Variants in ADAMTS17 observed in about 807,000 individuals in gnomAD.
The protein encoded by ADAMTS17 is A disintegrin and metalloproteinase with thrombospondin motifs 17.
ADAMTS17 carries 113 observed loss-of-function variants against 141.5 expected under a neutral mutation model. The ratio of observed to expected loss-of-function variants is 0.80; its 90% CI spans 0.69 to 0.93. The LOEUF is 0.93. Among genes scored for constraint, ADAMTS17 ranks in the 40% least tolerant of loss-of-function variants. The pLI, the probability that ADAMTS17 is intolerant of heterozygous loss-of-function variation, is 0.00. For missense variants in ADAMTS17, 1,659 were observed against 1,517.9 expected, an observed-to-expected ratio of 1.09 and a Z score of -1.54; for synonymous variants, 768 against 630.6, an observed-to-expected ratio of 1.22 and a Z score of -3.27.
chr15:100,284,050 A>C (rs933828654), intron 3 of ADAMTS17, among the ~76,000 whole-genome samples: 8 of 152,212 alleles, frequency 5.3e-5, no homozygotes, highest in Non-Finnish European at 1.0e-4. Flanking sequence ...GGTTGCAGTG[A>C]GCCAAGATCA....
chr15:100,267,670 C>T (rs1029234579), intron 4 of ADAMTS17, among the ~76,000 whole-genome samples: 2 of 149,078 alleles, frequency 1.3e-5, no homozygotes, highest in Admixed American at 6.6e-5. Context: ...TCAGCCCTTG[C>T]CCCCCTCCCT....
Position 100,051,678 on chromosome 15 carries a change from AG to A in ADAMTS17, c.2348del (p.Pro783LeufsTer2). 1 of 1,614,248 alleles carries A rather than the reference AG, an allele frequency of 6.2e-7. No homozygotes were observed. The highest frequency in any genetic ancestry group is 8.5e-7 in the Non-Finnish European group (1 of 1,180,052). On this transcript the variant is annotated frameshift_variant, in exon 17 of 22. Transcript: ENST00000268070. LOFTEE classifies it high-confidence loss of function. ...DYGIHYEYTV[P>X]VNRTAENQSE... ...TTTGATTTTCCGCAGTGCGGTTTAC[AG>A]GAACAGTGTATTCATAATGAATTCC...
intron 7 of ADAMTS17, among the ~76,000 whole-genome samples, chr15:100,215,908 G>T (rs1336040697): frequency 6.6e-6 from 1 of 151,978 alleles, no homozygotes; most frequent in Non-Finnish European, 1.5e-5. Context: ...GGAGAACCAA[G>T]ACTGTGCTTA....
chr15:100,311,546 A>C (rs758054974), intron 3 of ADAMTS17, among the ~76,000 whole-genome samples: 1 of 152,134 alleles, frequency 6.6e-6, no homozygotes, highest in Non-Finnish European at 1.5e-5. Context: ...TTGAGTTACT[A>C]AAGTGGGGCG....
intron 15 of ADAMTS17, among the ~76,000 whole-genome samples, chr15:100,065,936 T>C (rs1379331371): frequency 6.6e-6 from 1 of 152,234 alleles, no homozygotes; most frequent in African/African-American, 2.4e-5. Flanking sequence ...CCATGAATTC[T>C]CATTGTTCAA....
At chr15:100,191,914 C>G (rs11247165) in intron 8 of ADAMTS17, among the ~76,000 whole-genome samples, 1 of 152,046 alleles carries the variant, frequency 6.6e-6, no homozygotes, top group South Asian at 2.1e-4. Flanking sequence ...TGTGGCTTGT[C>G]AAGGTGAAGA....
At chr15:100,204,524 C>G (rs996778341) in intron 7 of ADAMTS17, among the ~76,000 whole-genome samples, 9 of 152,202 alleles carry the variant, frequency 5.9e-5, no homozygotes, top group African/African-American at 2.2e-4. Context: ...AATGGCTGAA[C>G]AGCATTTAGG....
intron 4 of ADAMTS17, among the ~76,000 whole-genome samples, chr15:100,278,037 G>C (rs774452463): frequency 3.9e-5 from 6 of 152,170 alleles, no homozygotes; most frequent in Admixed American, 6.5e-5. Flanking sequence ...TAAGCCATTT[G>C]TCCACAAAAG....
intron 10 of ADAMTS17, among the ~76,000 whole-genome samples, chr15:100,134,223 G>A (rs1263722586): frequency 6.6e-6 from 1 of 152,210 alleles, no homozygotes; most frequent in Non-Finnish European, 1.5e-5. Context: ...GGGTCCTGGG[G>A]GGGATGGCCC....
intron 15 of ADAMTS17, among the ~76,000 whole-genome samples, chr15:100,080,423 A>C (rs558341659): frequency 0.012 from 1,765 of 152,348 alleles, 40 homozygotes; most frequent in African/African-American, 0.041. Flanking sequence ...CAGGAGATCC[A>C]TTAGGGCGTC....
At chr15:100,121,727 T>C (rs1013573099) in intron 12 of ADAMTS17, among the ~76,000 whole-genome samples, 5 of 151,872 alleles carry the variant, frequency 3.3e-5, no homozygotes, top group African/African-American at 1.2e-4. Context: ...GAAAGGATAC[T>C]AGATGTAACC....
intron 8 of ADAMTS17, among the ~76,000 whole-genome samples, chr15:100,182,058 C>A (rs370005596): frequency 3.9e-5 from 6 of 152,290 alleles, no homozygotes; most frequent in Admixed American, 3.3e-4. Flanking sequence ...GAGCTCAGCC[C>A]GGTTTTGCTT....
chr15:100,108,072 C>A (rs2036517149), intron 14 of ADAMTS17, among the ~76,000 whole-genome samples: 1 of 152,162 alleles, frequency 6.6e-6, no homozygotes, highest in African/African-American at 2.4e-5. Flanking sequence ...CTACCCCAGG[C>A]TAGGAGCCCC....
chr15:100,303,637 T>C (rs780439348), intron 3 of ADAMTS17, among the ~76,000 whole-genome samples: 26 of 152,226 alleles, frequency 1.7e-4, no homozygotes, highest in Non-Finnish European at 3.4e-4. Context: ...CTTAATTCTA[T>C]TCCATATGTG....
intron 7 of ADAMTS17, among the ~76,000 whole-genome samples, chr15:100,228,581 G>A (rs1475067620): frequency 6.6e-6 from 1 of 152,228 alleles, no homozygotes; most frequent in Non-Finnish European, 1.5e-5. Flanking sequence ...GGCAGGATGA[G>A]GACACAGACC....
intron 3 of ADAMTS17, among the ~76,000 whole-genome samples, chr15:100,308,687 G>A (rs767373287): frequency 9.2e-5 from 14 of 152,082 alleles, no homozygotes; most frequent in Non-Finnish European, 1.5e-4. Context: ...ACAGAATCCC[G>A]GGCTTAGCCA....
At chr15:100,014,537 C>G (rs1330389567) in intron 18 of ADAMTS17, among the ~76,000 whole-genome samples, 1 of 152,118 alleles carries the variant, frequency 6.6e-6, no homozygotes, top group East Asian at 1.9e-4. Context: ...TTGCTGTATT[C>G]CAGAGATTTT....
chr15:99,994,883 A>G (rs1346672959), intron 19 of ADAMTS17, among the ~76,000 whole-genome samples: 11 of 152,358 alleles, frequency 7.2e-5, no homozygotes, highest in South Asian at 2.1e-4. Flanking sequence ...TACGAATTCA[A>G]TTCAGCTCTT....
At chr15:100,283,162 A>G (rs2044339020) in intron 3 of ADAMTS17, among the ~76,000 whole-genome samples, 1 of 152,352 alleles carries the variant, frequency 6.6e-6, no homozygotes, top group South Asian at 2.1e-4. Context: ...ATTTATCACA[A>G]AACTGCAAAA....
Sources: allele counts gnomAD v4.1 joint callset (sites outside exome capture counted in the v4.1 genomes callset), GRCh38; gene constraint gnomAD v4.1.1; transcripts MANE v1.5; gene names NCBI Gene and HGNC (gene_info 2026-07-23, HGNC 2026-07-21).